Variants in MAPT observed in about 807,000 individuals in gnomAD.
MAPT encodes the protein microtubule-associated protein tau.
A neutral mutation model predicts 67.9 loss-of-function variants in MAPT; 34 were observed. The ratio of observed to expected loss-of-function variants is 0.50; its 90% CI spans 0.38 to 0.67. MAPT has a LOEUF of 0.67. Among genes scored for constraint, MAPT ranks in the 30% least tolerant of loss-of-function variants. The pLI, the probability that MAPT is intolerant of heterozygous loss-of-function variation, is 0.00. For synonymous variants in MAPT, 456 were observed against 464.5 expected (o/e 0.98, Z 0.23); for missense variants, 881 against 1,115.2 (o/e 0.79, Z 2.99).
intron 1 of MAPT, among the ~76,000 whole-genome samples, chr17:45,944,159 C>A (rs2068245565): frequency 6.6e-6 from 1 of 152,222 alleles, no homozygotes; most frequent in African/African-American, 2.4e-5. Flanking sequence ...ATCACAGCCA[C>A]CCTGTGGGGC....
chr17:46,005,617 AAAG>A (rs1296188205), intron 9 of MAPT, among the ~76,000 whole-genome samples: 2 of 152,178 alleles, frequency 1.3e-5, no homozygotes, highest in African/African-American at 2.4e-5. Flanking sequence ...AATAATCCGC[AAAG>A]AAGGAGTTTA....
chr17:45,976,294 G>T (rs2072339323), intron 3 of MAPT: 1 of 152,232 alleles, frequency 6.6e-6, no homozygotes, highest in South Asian at 2.1e-4. Flanking sequence ...AGTCCACCAG[G>T]TCCCTAACCA....
At chr17:45,944,260 C>G (rs998247372) in intron 1 of MAPT, among the ~76,000 whole-genome samples, 2 of 152,160 alleles carry the variant, frequency 1.3e-5, no homozygotes, top group Non-Finnish European at 2.9e-5. Flanking sequence ...GCCAGTGGAC[C>G]CCACCAGGGC....
In MAPT at chr17:45,983,547, C is replaced by A; in HGVS notation, c.968C>A (p.Thr323Lys). The part of the protein sequence containing the change: ...SPAQDGRPPQ[T>K]AAREATSIPG... ...GCCCAAGATGGGCGGCCTCCCCAGA[C>A]AGCCGCCAGAGAAGCCACCAGCATC... The change falls in exon 5 of 13, where the codon ACA becomes AAA. Residue 323 changes from threonine to lysine, a missense_variant. By Grantham distance (78) the Thr-to-Lys change is moderately conservative. Transcript: ENST00000262410. 6.8e-6 allele frequency: 11 copies of A among 1,613,092 alleles called. No homozygotes were observed. The highest frequency in any genetic ancestry group is 9.3e-6 in the Non-Finnish European group (11 of 1,179,990).
intron 4 of MAPT, chr17:45,980,506 TAAAAAAAAAA>T (rs11356119): frequency 7.3e-6 from 1 of 136,116 alleles, no homozygotes; most frequent in African/African-American, 2.7e-5. Context: ...AGACTCTGTT[TAAAAAAAAAA>T]AAAAAAAGAA....
chr17:46,003,665 T>G (rs973490910), intron 9 of MAPT, among the ~76,000 whole-genome samples: 15 of 152,130 alleles, frequency 9.9e-5, no homozygotes, highest in African/African-American at 3.4e-4. Context: ...ATAAATACAG[T>G]GAATTTGTAC....
At chr17:45,968,875 A>G (rs2071358048) in intron 2 of MAPT, among the ~76,000 whole-genome samples, 1 of 152,222 alleles carries the variant, frequency 6.6e-6, no homozygotes, top group African/African-American at 2.4e-5. Flanking sequence ...GCTTTAAATA[A>G]GCATTCAACA....
rs1405414164 is a variant in MAPT, at chr17:45,896,922, G to T, written c.-18+2236G>T. ...TAATTCTATCGCTGAAAACTGGTGC[G>T]GGGGGCGCACTTCTGAGACGGAAGA... On this transcript the variant is annotated intron_variant, in intron 1 of 12. Transcript: ENST00000262410. The surrounding 1 kb of genome is among the most constrained non-coding windows in gnomAD (Gnocchi z 5.6). The T allele has an allele frequency of 6.6e-6, 1 of 152,066 alleles. No homozygotes were observed. The highest frequency in any genetic ancestry group is 1.9e-4 in the East Asian group (1 of 5,182). The allele number at this position is 152,066 out of a possible 1,614,324, so 9.4% of individuals were successfully genotyped here.
chr17:46,023,820 G>A (rs778167406), intron 12 of MAPT, 136 bp from the exon 13 acceptor site: 26 of 749,412 alleles, frequency 3.5e-5, no homozygotes, highest in Non-Finnish European at 5.1e-5. Flanking sequence ...TAGCCTGGGC[G>A]ATAGAGCAAG....
chr17:45,901,475 G>A (rs1339608796), intron 1 of MAPT, among the ~76,000 whole-genome samples: 2 of 152,226 alleles, frequency 1.3e-5, no homozygotes, highest in Non-Finnish European at 2.9e-5. Context: ...TTTCAGGGTG[G>A]TTGGTTGAGA....
chr17:45,913,155 CA>C lies in MAPT; in HGVS notation c.-18+18470del, dbSNP rs368294245. Among the ~76,000 whole-genome samples, 237 of 152,332 alleles carry C rather than the reference CA, an allele frequency of 1.6e-3. 2 individuals are homozygous for C. The highest frequency in any genetic ancestry group is 0.011 in the Admixed American group (161 of 15,308). On this transcript the variant is annotated intron_variant, in intron 1 of 12. Transcript: ENST00000262410. ...AAAGAAAGAGGTTTAATTGGACTTA[CA>C]GTTCCAAGTGGCTGGGGAAGCCTCA...
Position 45,915,364 on chromosome 17 carries a change from GGT to G in MAPT, c.-18+20686_-18+20687del, listed in dbSNP as rs1491191706. On this transcript the variant is annotated intron_variant, in intron 1 of 12. Coordinates refer to ENST00000262410, the MANE Select transcript of MAPT (RefSeq NM_001377265.1). The surrounding 1 kb of genome is among the most constrained non-coding windows in gnomAD (Gnocchi z 4.4). Reference sequence around the variant, plus strand: ...TATGTGGTGTGTATGTGTGACGTGAGGTGTGTGTGGTGTGTGAGTTGTGTATG... The same window carrying G: ...TATGTGGTGTGTATGTGTGACGTGAGGTGTGTGGTGTGTGAGTTGTGTATG... Among the ~76,000 whole-genome samples, 17 of 151,066 alleles carry G rather than the reference GGT, an allele frequency of 1.1e-4. No individual in the cohort carries two copies. The highest frequency in any genetic ancestry group is 2.2e-4 in the Non-Finnish European group (15 of 67,722).
chr17:45,932,292 A>G (rs911097169), intron 1 of MAPT, among the ~76,000 whole-genome samples: 4 of 151,868 alleles, frequency 2.6e-5, no homozygotes, highest in Non-Finnish European at 5.9e-5. Context: ...ATTCTGAACC[A>G]TTAAGAATTT....
chr17:46,003,357 C>A (rs545715099), intron 9 of MAPT, among the ~76,000 whole-genome samples: 1 of 151,978 alleles, frequency 6.6e-6, no homozygotes, highest in Non-Finnish European at 1.5e-5. Flanking sequence ...CGGCTCACTG[C>A]AACCTCCGCC....
At chr17:45,903,399 A>G (rs1290607028) in intron 1 of MAPT, among the ~76,000 whole-genome samples, 1 of 151,992 alleles carries the variant, frequency 6.6e-6, no homozygotes, top group Admixed American at 6.6e-5. Flanking sequence ...TCCCCCAAAA[A>G]GAGACTTCTT....
Position 45,983,494 on chromosome 17 carries a change from A to G in MAPT, c.915A>G (p.Gln305=). Residue 305 remains glutamine (Q), a synonymous_variant, in exon 5 of 13, where the codon CAA becomes CAG. Coordinates refer to ENST00000262410, the MANE Select transcript of MAPT (RefSeq NM_001377265.1). ...GCGACGTCGATGAGTCCTCCCCCCA[A>G]GACTCCCCTCCCTCCAAGGCCTCCC... The part of the protein sequence containing the change: ...EDRDVDESSP[Q]DSPPSKASPA... 6.2e-7 allele frequency: 1 copy of G among 1,611,886 alleles called. No homozygotes were observed. The highest frequency in any genetic ancestry group is 8.5e-7 in the Non-Finnish European group (1 of 1,179,256).
At position 45,962,421 on chromosome 17, in the gene MAPT, C is replaced by T. The variant is rs2145309593; in HGVS notation, c.84C>T (p.Gly28=). 1 of 1,612,768 alleles carries T rather than the reference C, an allele frequency of 6.2e-7. No individual in the cohort carries two copies. Among genetic ancestry groups the T allele is most frequent in the East Asian group, 2.2e-5 (1 of 44,882 alleles). Residue 28 remains glycine (G), a synonymous_variant, in exon 2 of 13, where the codon GGC becomes GGT. Coordinates refer to ENST00000262410, the MANE Select transcript of MAPT (RefSeq NM_001377265.1). ...TGGGGGACAGGAAAGATCAGGGGGG[C>T]TACACCATGCACCAAGACCAAGAGG... ...YGLGDRKDQG[G]YTMHQDQEGD... is the part of the protein sequence containing the mutation.
intron 4 of MAPT, among the ~76,000 whole-genome samples, chr17:45,981,130 C>G (rs755091222): frequency 1.3e-5 from 2 of 152,140 alleles, no homozygotes; most frequent in Non-Finnish European, 2.9e-5. Context: ...CCGATGGGGT[C>G]GGGCCCACAG....
intron 12 of MAPT, among the ~76,000 whole-genome samples, chr17:46,020,839 A>G (rs761047588): frequency 1.3e-5 from 2 of 152,164 alleles, no homozygotes; most frequent in Non-Finnish European, 2.9e-5. Context: ...TCAAGATGAC[A>G]TTTGGGTGGG....
Sources: allele counts gnomAD v4.1 joint callset (sites outside exome capture counted in the v4.1 genomes callset), GRCh38; gene constraint gnomAD v4.1.1; non-coding constraint Gnocchi (gnomAD v3.1); transcripts MANE v1.5; gene names NCBI Gene and HGNC (gene_info 2026-07-23, HGNC 2026-07-21).